Variants in HELZ observed in about 807,000 individuals in gnomAD.
HELZ encodes the protein ATP-dependent RNA helicase with zinc finger domain.
In HELZ, 23 loss-of-function variants were observed where a neutral mutation model predicts 218.2. The observed-to-expected ratio is 0.11, with a 90% CI of 0.08 to 0.15. The LOEUF is 0.15. HELZ is among the 10% of genes least tolerant of loss of function. The pLI is 1.00. For synonymous variants in HELZ, 814 were observed against 829.4 expected, an observed-to-expected ratio of 0.98 and a Z score of 0.32; for missense variants, 1,813 against 2,353.7, an observed-to-expected ratio of 0.77 and a Z score of 4.75.
chr17:67,131,502 A>C (rs1010493311), intron 23 of HELZ, among the ~76,000 whole-genome samples: 10 of 152,044 alleles, frequency 6.6e-5, no homozygotes, highest in Admixed American at 6.5e-4. Context: ...CTATAAGTTA[A>C]TCAAGTTAAA....
chr17:67,105,740 T>C (rs557530859), intron 31 of HELZ, among the ~76,000 whole-genome samples: 1 of 152,292 alleles, frequency 6.6e-6, no homozygotes, highest in East Asian at 1.9e-4. Context: ...TAAAGTATGG[T>C]TCCAAAATTC....
At chr17:67,215,037 G>A (rs752085754) in intron 5 of HELZ, among the ~76,000 whole-genome samples, 1 of 152,048 alleles carries the variant, frequency 6.6e-6, no homozygotes, top group Non-Finnish European at 1.5e-5. Context: ...CCAGCTACTT[G>A]CAAGGCTGAG....
chr17:67,115,256 A>C lies in HELZ; in HGVS notation c.3839-853T>G, dbSNP rs78842232. ...AAGGCACAGAAATAGAAACTACCCA[A>C]AATGAAACATGAAGAGAAAAAAGAA... On this transcript the variant is annotated intron_variant, in intron 27 of 32. Coordinates refer to ENST00000358691, the MANE Select transcript of HELZ (RefSeq NM_014877.4). Among the ~76,000 whole-genome samples the C allele has an allele frequency of 3.9e-3, 588 of 152,230 alleles. 4 individuals carry two copies. Among genetic ancestry groups the C allele is most frequent in the African/African-American group, 0.013 (558 of 41,572 alleles).
At chr17:67,190,954 C>T (rs909918954) in intron 9 of HELZ, among the ~76,000 whole-genome samples, 7 of 151,198 alleles carry the variant, frequency 4.6e-5, no homozygotes, top group East Asian at 1.9e-4. Context: ...GTGATCCACC[C>T]GCCTCGGCCT....
intron 9 of HELZ, among the ~76,000 whole-genome samples, chr17:67,192,093 T>C (rs1038301992): frequency 7.9e-5 from 12 of 151,828 alleles, no homozygotes; most frequent in African/African-American, 2.7e-4. Flanking sequence ...TCCCAGCTAC[T>C]TGGGAGGCTG....
chr17:67,211,687 C>T (rs374474640), intron 5 of HELZ, among the ~76,000 whole-genome samples: 53 of 152,044 alleles, frequency 3.5e-4, no homozygotes, highest in African/African-American at 1.0e-3. Context: ...ATGGTGAAAC[C>T]CCTTCTCTAC....
At chr17:67,154,549 A>G (rs947680055) in intron 17 of HELZ, among the ~76,000 whole-genome samples, 2 of 152,174 alleles carry the variant, frequency 1.3e-5, no homozygotes, top group African/African-American at 2.4e-5. Context: ...ATTCTATTAT[A>G]GTAATAAATC....
chr17:67,225,179 C>G (rs1052832436), intron 3 of HELZ: 79 of 359,202 alleles, frequency 2.2e-4, no homozygotes, highest in Non-Finnish European at 3.5e-4. Context: ...ACTGAAGGTT[C>G]ATCGTGTGCC....
At chr17:67,148,792 C>T (rs1200638241) in intron 19 of HELZ, 78 bp from the exon 20 acceptor site, 8 of 1,379,576 alleles carry the variant, frequency 5.8e-6, no homozygotes, top group Non-Finnish European at 7.9e-6. Context: ...AAAAAATCCA[C>T]TATGCTAAAA....
At chr17:67,126,122 T>G (rs1338508726) in intron 24 of HELZ, among the ~76,000 whole-genome samples, 1 of 152,204 alleles carries the variant, frequency 6.6e-6, no homozygotes. Context: ...AATATCTTGA[T>G]GCTGGCCTTG....
chr17:67,112,764 G>T (rs1266412801), intron 28 of HELZ, among the ~76,000 whole-genome samples: 3 of 152,200 alleles, frequency 2.0e-5, no homozygotes, highest in African/African-American at 7.2e-5. Context: ...CAAGACAGGT[G>T]GGACTAGGAC....
chr17:67,115,677 T>TA (rs1169126092), intron 27 of HELZ, among the ~76,000 whole-genome samples: 1 of 152,150 alleles, frequency 6.6e-6, no homozygotes, highest in South Asian at 2.1e-4. Context: ...TATCAAATGA[T>TA]AAAAACTGCC....
intron 19 of HELZ, among the ~76,000 whole-genome samples, chr17:67,149,050 T>C (rs1036542806): frequency 5.3e-5 from 8 of 152,176 alleles, no homozygotes; most frequent in African/African-American, 1.9e-4. Flanking sequence ...CAAACAGTTA[T>C]TTCACTAAAA....
intron 23 of HELZ, 93 bp downstream of exon 23, chr17:67,135,877 A>G: frequency 9.8e-7 from 1 of 1,020,168 alleles, no homozygotes; most frequent in Non-Finnish European, 1.4e-6. Flanking sequence ...CCTGTTTTTA[A>G]TTAGCCAGAA....
At chr17:67,189,903 A>G (rs888755829) in intron 10 of HELZ, among the ~76,000 whole-genome samples, 2 of 152,214 alleles carry the variant, frequency 1.3e-5, no homozygotes, top group African/African-American at 4.8e-5. Flanking sequence ...AACCACCACC[A>G]CAAAAATGGC....
At chr17:67,138,874 A>C (rs1189839037) in intron 21 of HELZ, among the ~76,000 whole-genome samples, 4 of 152,200 alleles carry the variant, frequency 2.6e-5, no homozygotes, top group African/African-American at 9.6e-5. Context: ...TGTCTGGCAC[A>C]GTGGAGAAGG....
intron 25 of HELZ, 41 bp downstream of exon 25, chr17:67,123,922 A>G: frequency 2.1e-6 from 3 of 1,459,106 alleles, no homozygotes; most frequent in Non-Finnish European, 2.9e-6. Context: ...AATCTCTTAC[A>G]TCATAAAAGC....
At chr17:67,225,629 T>C (rs1794488339) in intron 3 of HELZ, 1 of 152,256 alleles carries the variant, frequency 6.6e-6, no homozygotes, top group Non-Finnish European at 1.5e-5. Context: ...ATTATCTCCT[T>C]GGTTAAGCAA....
At chr17:67,087,709 T>C (rs570684662) in intron 31 of HELZ, among the ~76,000 whole-genome samples, 1 of 152,320 alleles carries the variant, frequency 6.6e-6, no homozygotes, top group East Asian at 1.9e-4. Context: ...TCAAAAAATA[T>C]TTTATATGTT....
Sources: allele counts gnomAD v4.1 joint callset (sites outside exome capture counted in the v4.1 genomes callset), GRCh38; gene constraint gnomAD v4.1.1; transcripts MANE v1.5; gene names NCBI Gene and HGNC (gene_info 2026-07-23, HGNC 2026-07-21).